The following CDH13 variants were observed in gnomAD, a reference collection of about 807,000 sequenced individuals.
The protein encoded by CDH13 is cadherin-13.
In CDH13, 24 loss-of-function variants were observed where a neutral mutation model predicts 63.8. The ratio of observed to expected loss-of-function variants is 0.38; its 90% confidence interval spans 0.27 to 0.53. The LOEUF (loss-of-function observed/expected upper bound fraction) is 0.53. CDH13 is among the 20% of genes least tolerant of loss of function. CDH13 has a pLI of 0.85. For synonymous variants in CDH13, 503 were observed against 355.3 expected (o/e 1.42, Z -4.67); for missense variants, 1,049 against 903.1 (o/e 1.16, Z -2.07).
At chr16:82,782,618 C>G (rs1009385499) in intron 1 of CDH13, among the ~76,000 whole-genome samples, 2 of 151,718 alleles carry the variant, frequency 1.3e-5, no homozygotes, top group African/African-American at 2.4e-5. Flanking sequence ...TAGATAAATA[C>G]ACCTTAGGAG....
intron 2 of CDH13, among the ~76,000 whole-genome samples, chr16:82,912,375 C>A (rs1007695777): frequency 1.3e-5 from 2 of 152,186 alleles, no homozygotes; most frequent in African/African-American, 4.8e-5. Flanking sequence ...CCACAATAAC[C>A]AGTAACTCCA....
At chr16:82,675,336 A>T (rs1913773408) in intron 1 of CDH13, among the ~76,000 whole-genome samples, 1 of 152,222 alleles carries the variant, frequency 6.6e-6, no homozygotes, top group Non-Finnish European at 1.5e-5. Flanking sequence ...ATGGCTGTAT[A>T]CTTGAAACAT....
chr16:83,569,919 T>C (rs1216070528), intron 7 of CDH13, among the ~76,000 whole-genome samples: 1 of 152,150 alleles, frequency 6.6e-6, no homozygotes, highest in Non-Finnish European at 1.5e-5. Context: ...GTATTTTTAA[T>C]AGAGACAGGG....
chr16:83,263,830 T>C (rs531986988), intron 5 of CDH13, among the ~76,000 whole-genome samples: 58 of 152,240 alleles, frequency 3.8e-4, no homozygotes, highest in Middle Eastern at 3.4e-3. Flanking sequence ...GTACTACAGG[T>C]TGACGGCTAG....
intron 9 of CDH13, among the ~76,000 whole-genome samples, chr16:83,677,657 A>T (rs1359250090): frequency 1.3e-5 from 2 of 152,208 alleles, no homozygotes; most frequent in Non-Finnish European, 2.9e-5. Flanking sequence ...GTGAGTGAGA[A>T]ACATTAAATA....
intron 4 of CDH13, among the ~76,000 whole-genome samples, chr16:83,204,061 C>T (rs754644302): frequency 6.6e-6 from 1 of 152,202 alleles, no homozygotes; most frequent in Non-Finnish European, 1.5e-5. Context: ...CTGGCTCTGC[C>T]ACTGACATGG....
At chr16:82,770,715 C>CT (rs1219496985) in intron 1 of CDH13, among the ~76,000 whole-genome samples, 2 of 152,002 alleles carry the variant, frequency 1.3e-5, no homozygotes, top group South Asian at 2.1e-4. Context: ...TCTATATTTC[C>CT]TTTTTTTCTG....
intron 2 of CDH13, among the ~76,000 whole-genome samples, chr16:83,021,366 T>C (rs974251887): frequency 2.0e-5 from 3 of 152,216 alleles, no homozygotes; most frequent in Non-Finnish European, 4.4e-5. Context: ...CACCATGGGA[T>C]AGATGATGCA....
At chr16:83,074,852 CG>C (rs2032707806) in intron 3 of CDH13, among the ~76,000 whole-genome samples, 1 of 152,196 alleles carries the variant, frequency 6.6e-6, no homozygotes, top group Admixed American at 6.5e-5. Flanking sequence ...CCAGACATCA[CG>C]TGGACTGTCT....
chr16:83,087,359 C>G (rs931356703), intron 3 of CDH13, among the ~76,000 whole-genome samples: 1 of 152,108 alleles, frequency 6.6e-6, no homozygotes, highest in Non-Finnish European at 1.5e-5. Context: ...ATATCCTATA[C>G]TCATTTTAAA....
At chr16:83,699,412 A>G (rs1241081395) in intron 10 of CDH13, among the ~76,000 whole-genome samples, 1 of 152,198 alleles carries the variant, frequency 6.6e-6, no homozygotes, top group African/African-American at 2.4e-5. Flanking sequence ...ATAAGTCCTG[A>G]CTGCATGCCC....
At chr16:83,490,030 C>A (rs2073975860) in intron 7 of CDH13, among the ~76,000 whole-genome samples, 1 of 148,982 alleles carries the variant, frequency 6.7e-6, no homozygotes, top group Non-Finnish European at 1.5e-5. Context: ...CACACACACA[C>A]ACACACACAC....
intron 1 of CDH13, among the ~76,000 whole-genome samples, chr16:82,777,569 G>A (rs757655619): frequency 1.2e-3 from 182 of 152,312 alleles, no homozygotes; most frequent in Non-Finnish European, 2.2e-3. Context: ...ATCTGTATTA[G>A]TAATCTATGG....
chr16:83,104,703 G>C (rs2034677556), intron 3 of CDH13, among the ~76,000 whole-genome samples: 1 of 152,132 alleles, frequency 6.6e-6, no homozygotes, highest in Non-Finnish European at 1.5e-5. Context: ...TTGAATTTCA[G>C]TCGTAGGAGA....
At chr16:83,116,548 T>C (rs2035305221) in intron 3 of CDH13, among the ~76,000 whole-genome samples, 1 of 152,208 alleles carries the variant, frequency 6.6e-6, no homozygotes, top group South Asian at 2.1e-4. Context: ...ATGGAAATAT[T>C]GTGGGGACAT....
At chr16:82,664,799 A>G (rs938588681) in intron 1 of CDH13, among the ~76,000 whole-genome samples, 2 of 152,246 alleles carry the variant, frequency 1.3e-5, no homozygotes, top group African/African-American at 4.8e-5. Flanking sequence ...TAACAACAAC[A>G]TCAACGTAAC....
intron 4 of CDH13, among the ~76,000 whole-genome samples, chr16:83,138,065 G>C (rs183324304): frequency 6.6e-6 from 1 of 152,050 alleles, no homozygotes; most frequent in Non-Finnish European, 1.5e-5. Flanking sequence ...ACAGAAGAAC[G>C]CTTGAATGTG....
chr16:83,236,237 GCA>G (rs3049880), intron 5 of CDH13, among the ~76,000 whole-genome samples: 4 of 148,894 alleles, frequency 2.7e-5, no homozygotes, highest in East Asian at 2.0e-4. Flanking sequence ...ACACGCACAT[GCA>G]CACACACACA....
intron 2 of CDH13, among the ~76,000 whole-genome samples, chr16:82,915,894 C>G (rs1002285607): frequency 6.6e-6 from 1 of 150,472 alleles, no homozygotes; most frequent in African/African-American, 2.5e-5. Context: ...CTCTGGAATC[C>G]TGGCTAACTA....
Sources: gnomAD v4.1 joint callset for allele counts (sites outside exome capture counted in the v4.1 genomes callset) on GRCh38, gnomAD v4.1.1 for gene constraint, MANE v1.5 for transcripts, NCBI Gene and HGNC (gene_info 2026-07-23, HGNC 2026-07-21) for gene names.